The following GPC5 variants were observed in gnomAD, a reference collection of about 807,000 sequenced individuals.
GPC5 encodes the protein glypican-5.
In GPC5, 47 loss-of-function variants were observed where a neutral mutation model predicts 53.9. The ratio of observed to expected loss-of-function variants is 0.87; its 90% CI spans 0.69 to 1.11. The LOEUF (loss-of-function observed/expected upper bound fraction) is 1.11. GPC5 is among the 50% of genes most tolerant of loss of function. GPC5 has a pLI of 0.00. For missense variants in GPC5, 748 were observed against 713.1 expected, an observed-to-expected ratio of 1.05 and a Z score of -0.56; for synonymous variants, 286 against 263.3, an observed-to-expected ratio of 1.09 and a Z score of -0.84.
chr13:92,509,092 G>A (rs767832370), intron 7 of GPC5, among the ~76,000 whole-genome samples: 19 of 152,044 alleles, frequency 1.2e-4, no homozygotes, highest in South Asian at 2.1e-4. Context: ...AGCACTCGAA[G>A]GAAAAAGAAA....
intron 5 of GPC5, among the ~76,000 whole-genome samples, chr13:91,840,760 A>T (rs188360029): frequency 0.021 from 3,085 of 150,290 alleles, 62 homozygotes; most frequent in Non-Finnish European, 0.033. Context: ...TTTTTTTTTT[A>T]AAAAACATGT....
chr13:91,519,478 C>A (rs1885686727), intron 2 of GPC5, among the ~76,000 whole-genome samples: 1 of 151,956 alleles, frequency 6.6e-6, no homozygotes, highest in Non-Finnish European at 1.5e-5. Flanking sequence ...TGAGTGAGTT[C>A]TCTTGAGATC....
intron 7 of GPC5, among the ~76,000 whole-genome samples, chr13:92,220,996 T>G (rs2042444523): frequency 6.6e-6 from 1 of 152,070 alleles, no homozygotes; most frequent in Non-Finnish European, 1.5e-5. Flanking sequence ...TTTCCTCTGT[T>G]TGGGGAGGGA....
chr13:91,668,231 G>T (rs776059284), intron 2 of GPC5, among the ~76,000 whole-genome samples: 2 of 152,174 alleles, frequency 1.3e-5, no homozygotes, highest in Non-Finnish European at 2.9e-5. Context: ...TGAGCACTGC[G>T]CAAAGTAGGG....
chr13:91,609,598 G>C (rs980233096), intron 2 of GPC5, among the ~76,000 whole-genome samples: 1 of 152,146 alleles, frequency 6.6e-6, no homozygotes, highest in African/African-American at 2.4e-5. Flanking sequence ...AAGATGTCAG[G>C]CAAAACAAAT....
At chr13:91,975,007 C>T (rs919471921) in intron 6 of GPC5, among the ~76,000 whole-genome samples, 5 of 152,150 alleles carry the variant, frequency 3.3e-5, no homozygotes, top group Non-Finnish European at 7.3e-5. Flanking sequence ...CTGACAAAAA[C>T]AAGCAATGGG....
chr13:92,371,731 T>C (rs1365440039), intron 7 of GPC5, among the ~76,000 whole-genome samples: 1 of 152,162 alleles, frequency 6.6e-6, no homozygotes, highest in African/African-American at 2.4e-5. Flanking sequence ...ATCACGAGAA[T>C]AGCATGGAGG....
chr13:91,658,739 A>C lies in GPC5; in HGVS notation c.326-34448A>C, dbSNP rs568346155. On this transcript the variant is annotated intron_variant, in intron 2 of 7. Coordinates refer to ENST00000377067, the MANE Select transcript of GPC5 (RefSeq NM_004466.6). ...TCTGTCAGCCTGATTCTCCGGGCTC[A>C]ACTTTCCTCCATCATCCCTCATATG... 2.0e-5 allele frequency among the ~76,000 whole-genome samples: 3 copies of C among 152,288 alleles called. No homozygotes were observed. The East Asian group carries it at 5.8e-4, about 29-fold the overall frequency.
intron 5 of GPC5, among the ~76,000 whole-genome samples, chr13:91,890,395 C>T (rs146763744): frequency 8.5e-4 from 130 of 152,248 alleles, no homozygotes; most frequent in African/African-American, 2.9e-3. Flanking sequence ...AAAGTGTCAC[C>T]GCTCAGTCAT....
intron 6 of GPC5, among the ~76,000 whole-genome samples, chr13:91,977,984 A>AAAGAAAGAAAGAAAG (rs1181245280): frequency 1.4e-5 from 2 of 140,340 alleles, no homozygotes; most frequent in African/African-American, 5.5e-5. Context: ...AGAAAGAAAG[A>AAAGAAAGAAAGAAAG]AAAGAAAAAA....
At position 91,558,281 on chromosome 13, in the gene GPC5, T is replaced by C. The variant is rs1008801679; in HGVS notation, c.325+109359T>C. Among the ~76,000 whole-genome samples, 18 of 152,190 alleles carry C rather than the reference T, an allele frequency of 1.2e-4. 2 individuals are homozygous for C. In the South Asian group the frequency reaches 3.5e-3, roughly 30 times the overall value. On this transcript the variant is annotated intron_variant, in intron 2 of 7. Coordinates refer to ENST00000377067, the MANE Select transcript of GPC5 (RefSeq NM_004466.6). ...GCAGGTAATTCCTGGAGCATACAAC[T>C]AGCTTATTTTACTTGGTCTCGGTAT...
chr13:92,585,853 G>A (rs1458639666), intron 7 of GPC5, among the ~76,000 whole-genome samples: 1 of 152,080 alleles, frequency 6.6e-6, no homozygotes, highest in Non-Finnish European at 1.5e-5. Flanking sequence ...CTCTCTCTTT[G>A]CCTGCTGCCA....
At chr13:92,273,265 A>G (rs950337771) in intron 7 of GPC5, among the ~76,000 whole-genome samples, 1 of 152,072 alleles carries the variant, frequency 6.6e-6, no homozygotes, top group African/African-American at 2.4e-5. Flanking sequence ...GCAACTATCT[A>G]TTGAATTAAT....
chr13:92,181,767 T>C (rs865994320), intron 7 of GPC5, among the ~76,000 whole-genome samples: 1 of 152,168 alleles, frequency 6.6e-6, no homozygotes. Flanking sequence ...TGGGAAATCA[T>C]GCAATGAAAA....
intron 2 of GPC5, among the ~76,000 whole-genome samples, chr13:91,670,510 T>C (rs924728310): frequency 6.6e-6 from 1 of 152,082 alleles, no homozygotes; most frequent in South Asian, 2.1e-4. Flanking sequence ...TTTTGGGAGA[T>C]TAAAGCAAAA....
intron 6 of GPC5, among the ~76,000 whole-genome samples, chr13:92,137,710 C>T (rs1435983664): frequency 2.6e-5 from 4 of 152,192 alleles, no homozygotes; most frequent in Non-Finnish European, 5.9e-5. Context: ...ACTGCATTGT[C>T]CACCTCCTGG....
At chr13:91,623,775 T>C (rs1028195611) in intron 2 of GPC5, among the ~76,000 whole-genome samples, 3 of 152,120 alleles carry the variant, frequency 2.0e-5, no homozygotes, top group Non-Finnish European at 4.4e-5. Context: ...GGCTCAGTTA[T>C]ATAACAAGTT....
At chr13:91,759,081 T>C (rs207474223) in intron 5 of GPC5, among the ~76,000 whole-genome samples, 1 of 152,108 alleles carries the variant, frequency 6.6e-6, no homozygotes, top group Admixed American at 6.6e-5. Context: ...CATTATTTAA[T>C]TCCCCCAATA....
intron 7 of GPC5, among the ~76,000 whole-genome samples, chr13:92,622,006 A>G (rs1484156989): frequency 9.9e-5 from 15 of 152,192 alleles, no homozygotes; most frequent in Non-Finnish European, 1.5e-5. Context: ...GCTCCCCTCG[A>G]CTAATGCTTT....
Sources: gnomAD v4.1 joint callset for allele counts (sites outside exome capture counted in the v4.1 genomes callset) on GRCh38, gnomAD v4.1.1 for gene constraint, MANE v1.5 for transcripts, NCBI Gene and HGNC (gene_info 2026-07-23, HGNC 2026-07-21) for gene names.